Variants in STAB1 observed in about 807,000 individuals in gnomAD.
STAB1 encodes stabilin 1.
STAB1 carries 250 observed loss-of-function variants against 332.4 expected under a neutral mutation model. That is an observed-to-expected ratio of 0.75 (90% CI 0.68 to 0.84). STAB1 has a LOEUF of 0.84. Among genes scored for constraint, STAB1 ranks in the 40% least tolerant of loss-of-function variants. The probability of loss-of-function intolerance (pLI) is 0.00; values close to 1 mark genes in which losing one functional copy is unlikely to be tolerated. For missense variants in STAB1, 3,249 were observed against 3,489.7 expected (o/e 0.93, Z 1.74); for synonymous variants, 1,475 against 1,390.4 (o/e 1.06, Z -1.35).
chr3:52,505,827 C>A (rs1406145245), intron 15 of STAB1, 46 bp downstream of exon 15: 3 of 1,613,496 alleles, frequency 1.9e-6, no homozygotes, highest in Non-Finnish European at 2.5e-6. Context: ...GGCACCAGGA[C>A]CTCCACGCTC....
In STAB1 at chr3:52,504,011, T is replaced by C; in HGVS notation, c.1023-17T>C. ...GGCCTCAGCCTCCGCCCTGACTGGC[T>C]CTCCCTGGGAGCCCAGCTGTGTGTG... On this transcript the variant is annotated splice_polypyrimidine_tract_variant and intron_variant, in intron 9 of 68. Transcript: ENST00000321725. 1 of 1,607,802 alleles carries C rather than the reference T, an allele frequency of 6.2e-7. No individual in the cohort carries two copies. Among genetic ancestry groups the C allele is most frequent in the Non-Finnish European group, 8.5e-7 (1 of 1,177,650 alleles).
intron 25 of STAB1, among the ~76,000 whole-genome samples, chr3:52,511,155 G>A (rs2153233507): frequency 6.6e-6 from 1 of 152,318 alleles, no homozygotes; most frequent in South Asian, 2.1e-4. Context: ...CCAGTGAGAT[G>A]CTCCCAACGT....
chr3:52,514,651 C>T, intron 34 of STAB1, 50 bp from the exon 35 acceptor site: 3 of 1,611,362 alleles, frequency 1.9e-6, no homozygotes, highest in South Asian at 2.2e-5. Flanking sequence ...TACAGCCCTG[C>T]CAGGTGAGGG....
intron 10 of STAB1, 117 bp downstream of exon 10, chr3:52,504,272 C>G: frequency 6.7e-7 from 1 of 1,489,276 alleles, no homozygotes; most frequent in Non-Finnish European, 9.0e-7. Flanking sequence ...TGGGAACAAA[C>G]AGGTGGCTGT....
Position 52,514,169 on chromosome 3 carries a change from C to A in STAB1, c.3502C>A (p.Pro1168Thr). 1 of 1,613,392 alleles carries A rather than the reference C, an allele frequency of 6.2e-7. No homozygotes were observed. The highest frequency in any genetic ancestry group is 8.5e-7 in the Non-Finnish European group (1 of 1,179,994). Residue 1168 changes from proline to threonine, a missense_variant, in exon 33 of 69, where the codon CCC becomes ACC. Physicochemically the swap from Pro to Thr is conservative, Grantham distance 38. Coordinates refer to ENST00000321725, the MANE Select transcript of STAB1 (RefSeq NM_015136.3). The stretch of plus-strand genomic sequence containing the variant: ...TGCCACTGCCTACACCATCTTTGTG[C>A]CCACCAACCGCTCCCTGGAGGCCCA... Reference protein sequence around the residue: ...EAATAYTIFVPTNRSLEAQGN... With the variant: ...EAATAYTIFVTTNRSLEAQGN...
chr3:52,513,319 C>T, intron 30 of STAB1, 78 bp downstream of exon 30: 1 of 1,399,388 alleles, frequency 7.1e-7, no homozygotes, highest in Non-Finnish European at 9.7e-7. Context: ...GGCTCTCCCA[C>T]ATCAGGGGCC....
In STAB1 at chr3:52,518,577, C is replaced by T. The variant is rs144020560; in HGVS notation, c.4851C>T (p.Phe1617=). The T allele has an allele frequency of 2.4e-5, 38 of 1,600,584 alleles. No individual in the cohort carries two copies. The highest frequency in any genetic ancestry group is 8.6e-5 in the Admixed American group (5 of 58,074). Residue 1617 remains phenylalanine, a synonymous_variant, in exon 47 of 69, where the codon TTC becomes TTT. Transcript: ENST00000321725. ...ELKGDGPFTI[F]VPHADLMSNL... Reference sequence around the variant, plus strand: ...AGGGCGATGGGCCTTTCACCATCTTCGTGCCGCACGCAGATCTAATGAGCA... The same window carrying T: ...AGGGCGATGGGCCTTTCACCATCTTTGTGCCGCACGCAGATCTAATGAGCA...
Position 52,508,390 on chromosome 3 carries a change from T to C in STAB1, c.2235+31T>C, listed in dbSNP as rs1575322596. The C allele has an allele frequency of 5.6e-6, 9 of 1,608,448 alleles. No homozygotes were observed. The East Asian group carries it at 2.0e-4, about 36-fold the overall frequency. ...TCCCATCCTCTCCTGGGGTGAGGTA[T>C]GGGGAACACAAGGACTCCTTCACCG... is the stretch of plus-strand genomic sequence containing the variant. On this transcript the variant is annotated intron_variant, in intron 21 of 68. Coordinates refer to ENST00000321725, the MANE Select transcript of STAB1 (RefSeq NM_015136.3).
intron 45 of STAB1, 42 bp from the exon 46 acceptor site, chr3:52,518,270 A>T (rs773267226): frequency 6.2e-7 from 1 of 1,607,796 alleles, no homozygotes; most frequent in Non-Finnish European, 8.5e-7. Flanking sequence ...CAGGCCCTGA[A>T]TGGGGGCCGC....
Position 52,522,237 on chromosome 3 carries a change from A to G in STAB1, c.6465+7A>G. 6.2e-7 allele frequency: 1 copy of G among 1,612,246 alleles called. No homozygotes were observed. Among genetic ancestry groups the G allele is most frequent in the Non-Finnish European group, 8.5e-7 (1 of 1,179,600 alleles). Reference sequence around the variant, plus strand: ...CTGCTTGAGCACCGGCCTGGTGAGCAGGTGGGGGAACCGAGTAGCCAGGGT... The same window carrying G: ...CTGCTTGAGCACCGGCCTGGTGAGCGGGTGGGGGAACCGAGTAGCCAGGGT... On this transcript the variant is annotated splice_region_variant and intron_variant, in intron 59 of 68. Coordinates refer to ENST00000321725, the MANE Select transcript of STAB1 (RefSeq NM_015136.3).
At chr3:52,502,467 T>G (rs1006252909) in intron 5 of STAB1, among the ~76,000 whole-genome samples, 165 bp from the exon 6 acceptor site, 1 of 152,190 alleles carries the variant, frequency 6.6e-6, no homozygotes, top group Non-Finnish European at 1.5e-5. Flanking sequence ...GGCCAGTGCC[T>G]TCTGTGGTCT....
At chr3:52,496,134 C>T (rs1462762952) in intron 1 of STAB1, among the ~76,000 whole-genome samples, 2 of 152,166 alleles carry the variant, frequency 1.3e-5, no homozygotes, top group Non-Finnish European at 2.9e-5. Flanking sequence ...CACTCTAAAG[C>T]CATGCTCCAA....
intron 48 of STAB1, 69 bp downstream of exon 48, chr3:52,518,938 G>T: frequency 1.0e-6 from 1 of 972,860 alleles, no homozygotes; most frequent in African/African-American, 2.8e-5. Flanking sequence ...ATTGCCCCAG[G>T]CCCCACGGCC....
intron 61 of STAB1, 39 bp from the exon 62 acceptor site, chr3:52,522,736 C>A (rs746316922): frequency 1.2e-6 from 2 of 1,612,770 alleles, no homozygotes; most frequent in Non-Finnish European, 1.7e-6. Flanking sequence ...GAGGCCTTGA[C>A]TGGGTCTTGG....
At position 52,504,302 on chromosome 3, in the gene STAB1, TG is replaced by T. The variant is rs1051630810; in HGVS notation, c.1150+150del. 4.4e-5 allele frequency: 63 copies of T among 1,427,656 alleles called. 1 individual carries two copies. The East Asian group carries it at 1.5e-3, about 34-fold the overall frequency. 88.4% of individuals were successfully genotyped at this position (1,427,656 alleles called of 1,614,324 possible). ...GGCTGTGGGGGGTGCATGCAGGGGG[TG>T]GGAGCTGCTCTCCAACCTCAAGGCC... is the stretch of plus-strand genomic sequence containing the variant. On this transcript the variant is annotated intron_variant, in intron 10 of 68. Transcript: ENST00000321725.
In STAB1 at chr3:52,523,562, T is replaced by A; in HGVS notation, c.7276T>A (p.Ser2426Thr). 1 of 1,612,804 alleles carries A rather than the reference T, an allele frequency of 6.2e-7. No homozygotes were observed. Among genetic ancestry groups the A allele is most frequent in the African/African-American group, 1.3e-5 (1 of 75,054 alleles). Residue 2426 changes from serine (S) to threonine (T), a missense_variant, in exon 65 of 69, where the codon TCC becomes ACC. Transcript: ENST00000321725. The stretch of plus-strand genomic sequence containing the variant: ...CAGTGACGCAGGCCCTGACAACAGT[T>A]CCTGGGCCCCTGTGGTGAGTCTGGC... ...IISDAGPDNS[S>T]WAPVAPGTVV...
rs762128873 is a variant in STAB1 at position 52,520,426 on chromosome 3, T to G, written c.5526T>G (p.Asp1842Glu). ...RAGELMVGED[D>E]ARIVQRHLPF... ...GTGAGCTCATGGTGGGTGAGGATGATGCTCGCATTGTGCAGCGGCACTTGC... is the reference window on the plus strand; with the variant it reads ...GTGAGCTCATGGTGGGTGAGGATGAGGCTCGCATTGTGCAGCGGCACTTGC... The change falls in exon 53 of 69, where the codon GAT (aspartate) becomes GAG (glutamate). Residue 1842 changes from aspartate (D) to glutamate (E), a missense_variant. Coordinates refer to ENST00000321725, the MANE Select transcript of STAB1 (RefSeq NM_015136.3). 6.2e-7 allele frequency: 1 copy of G among 1,612,516 alleles called. No homozygotes were observed. The highest frequency in any genetic ancestry group is 1.1e-5 in the South Asian group (1 of 91,080).
At position 52,524,363 on chromosome 3, in the gene STAB1, T is replaced by A. The variant is rs1382344308; in HGVS notation, c.*7T>A. 3.7e-6 allele frequency: 6 copies of A among 1,613,560 alleles called. No individual in the cohort carries two copies. The African/African-American group carries it at 8.0e-5, about 22-fold the overall frequency. On this transcript the variant is annotated 3_prime_UTR_variant, in exon 69 of 69. Transcript: ENST00000321725. Reference sequence around the variant, plus strand: ...GATCCTCACAGTCAAGTGACGAGGCTGGGGCTGAAAGCAGAAGCATGCACA... The same window carrying A: ...GATCCTCACAGTCAAGTGACGAGGCAGGGGCTGAAAGCAGAAGCATGCACA...
chr3:52,523,398 C>T, intron 64 of STAB1, 29 bp from the exon 65 acceptor site: 2 of 1,609,368 alleles, frequency 1.2e-6, no homozygotes, highest in East Asian at 2.2e-5. Context: ...CCATCTGGCC[C>T]AGGCCAACAG....
Sources: allele counts gnomAD v4.1 joint callset (sites outside exome capture counted in the v4.1 genomes callset), GRCh38; gene constraint gnomAD v4.1.1; transcripts MANE v1.5; gene names NCBI Gene and HGNC (gene_info 2026-07-23, HGNC 2026-07-21).